PTPRK: variants seen among roughly 807,000 people sequenced by gnomAD.
PTPRK encodes receptor-type tyrosine-protein phosphatase kappa.
A neutral mutation model predicts 178.0 loss-of-function variants in PTPRK; 75 were observed. The ratio of observed to expected loss-of-function variants is 0.42; its 90% CI spans 0.35 to 0.51. The LOEUF is 0.51. PTPRK is among the 20% of genes least tolerant of loss of function. The pLI is 0.02. For synonymous variants in PTPRK, 637 were observed against 620.6 expected, an observed-to-expected ratio of 1.03 and a Z score of -0.39; for missense variants, 1,441 against 1,797.8, an observed-to-expected ratio of 0.80 and a Z score of 3.59.
chr6:128,402,399 C>T (rs1166859606), intron 1 of PTPRK, among the ~76,000 whole-genome samples: 1 of 151,968 alleles, frequency 6.6e-6, no homozygotes, highest in Non-Finnish European at 1.5e-5. Context: ...AGCTGGGACT[C>T]GTGCCACCAT....
At chr6:128,301,832 A>G (rs1040853575) in intron 3 of PTPRK, among the ~76,000 whole-genome samples, 4 of 152,276 alleles carry the variant, frequency 2.6e-5, no homozygotes, top group East Asian at 1.9e-4. Flanking sequence ...CTGGAAGGCT[A>G]TATTACTTTA....
intron 13 of PTPRK, among the ~76,000 whole-genome samples, chr6:128,025,369 A>AT (rs1774131203): frequency 6.6e-6 from 1 of 152,220 alleles, no homozygotes; most frequent in African/African-American, 2.4e-5. Flanking sequence ...CATCTTTTGC[A>AT]AAATTGTCCT....
intron 7 of PTPRK, among the ~76,000 whole-genome samples, chr6:128,151,620 T>C (rs1036673649): frequency 4.6e-5 from 7 of 152,028 alleles, no homozygotes; most frequent in African/African-American, 1.7e-4. Context: ...AGCATAAATA[T>C]AAGTAACATT....
chr6:128,187,056 C>A (rs1288708791), intron 6 of PTPRK, among the ~76,000 whole-genome samples: 1 of 151,948 alleles, frequency 6.6e-6, no homozygotes, highest in Admixed American at 6.6e-5. Flanking sequence ...TCACAATATG[C>A]CAAGTGAATT....
intron 1 of PTPRK, among the ~76,000 whole-genome samples, chr6:128,403,408 A>G (rs989733335): frequency 6.6e-6 from 1 of 152,188 alleles, no homozygotes; most frequent in South Asian, 2.1e-4. Context: ...TAGAAGAGAG[A>G]CAATATATCT....
At chr6:128,258,727 A>G (rs1188894232) in intron 3 of PTPRK, among the ~76,000 whole-genome samples, 1 of 152,198 alleles carries the variant, frequency 6.6e-6, no homozygotes, top group African/African-American at 2.4e-5. Context: ...AGACGGGGTA[A>G]TTAGGTCAGC....
chr6:128,458,552 C>A (rs1021858871), intron 1 of PTPRK, among the ~76,000 whole-genome samples: 8 of 152,272 alleles, frequency 5.3e-5, no homozygotes, highest in South Asian at 4.1e-4. Context: ...CCATTTGAAG[C>A]AGATTTTAAG....
At chr6:128,362,420 A>G (rs1270703137) in intron 2 of PTPRK, among the ~76,000 whole-genome samples, 1 of 152,154 alleles carries the variant, frequency 6.6e-6, no homozygotes, top group African/African-American at 2.4e-5. Context: ...AGGGATATAT[A>G]TCCAAATTAC....
intron 7 of PTPRK, among the ~76,000 whole-genome samples, chr6:128,105,156 C>G (rs546435325): frequency 1.4e-5 from 2 of 145,726 alleles, no homozygotes; most frequent in Non-Finnish European, 3.0e-5. Flanking sequence ...TCTTTTGAGA[C>G]GGAGTCTTGC....
chr6:127,983,412 G>A, intron 22 of PTPRK, 35 bp from the exon 23 acceptor site: 3 of 1,605,530 alleles, frequency 1.9e-6, no homozygotes, highest in South Asian at 2.2e-5. Context: ...ATTGTAAGAA[G>A]CATGTTAGTC....
At chr6:128,466,941 A>T (rs1284429203) in intron 1 of PTPRK, among the ~76,000 whole-genome samples, 2 of 152,240 alleles carry the variant, frequency 1.3e-5, no homozygotes, top group African/African-American at 4.8e-5. Context: ...AGAAGCTTTT[A>T]CTATTATATT....
chr6:128,505,280 A>G (rs1856160803), intron 1 of PTPRK, among the ~76,000 whole-genome samples: 1 of 150,828 alleles, frequency 6.6e-6, no homozygotes, highest in South Asian at 2.1e-4. Flanking sequence ...CATCTCTACT[A>G]AAAATAGAAA....
rs375779200 is a variant in PTPRK, at chr6:128,425,713, TAC to T, written c.101-28027_101-28026del. Among the ~76,000 whole-genome samples the T allele has an allele frequency of 6.5e-4, 99 of 152,240 alleles. 3 individuals are homozygous for T. The South Asian group carries it at 0.019, about 30-fold the overall frequency. On this transcript the variant is annotated intron_variant, in intron 1 of 29. Transcript: ENST00000368226. ...GGTCTCTGATCCATCCCATCTCACA[TAC>T]AGTCTCCAGATCATGGCTCATCCAC... is the stretch of plus-strand genomic sequence containing the variant.
At chr6:127,998,980 A>T in intron 15 of PTPRK, 76 bp from the exon 16 acceptor site, 2 of 1,233,436 alleles carry the variant, frequency 1.6e-6, no homozygotes, top group Non-Finnish European at 2.2e-6. Context: ...TATGCAATGA[A>T]GATTTTAAGA....
intron 7 of PTPRK, among the ~76,000 whole-genome samples, chr6:128,106,165 G>C (rs1271213428): frequency 6.6e-6 from 1 of 152,106 alleles, no homozygotes; most frequent in East Asian, 1.9e-4. Flanking sequence ...TGCGATAATA[G>C]AAAGTACATA....
intron 2 of PTPRK, among the ~76,000 whole-genome samples, chr6:128,393,974 C>T (rs931023612): frequency 1.1e-4 from 17 of 152,160 alleles, no homozygotes; most frequent in African/African-American, 4.1e-4. Context: ...TCATCACCAG[C>T]ATCTGGAAGA....
At chr6:128,437,039 C>T (rs1445442528) in intron 1 of PTPRK, among the ~76,000 whole-genome samples, 1 of 152,108 alleles carries the variant, frequency 6.6e-6, no homozygotes, top group Non-Finnish European at 1.5e-5. Flanking sequence ...GCATCCTAAC[C>T]AGAGTCACTC....
intron 7 of PTPRK, among the ~76,000 whole-genome samples, chr6:128,171,912 G>T (rs1272428252): frequency 6.6e-6 from 1 of 151,722 alleles, no homozygotes; most frequent in Admixed American, 6.6e-5. Flanking sequence ...TTCCAAATTT[G>T]ACTCTCTTAG....
At chr6:128,216,555 A>G (rs1226569624) in intron 6 of PTPRK, among the ~76,000 whole-genome samples, 1 of 151,916 alleles carries the variant, frequency 6.6e-6, no homozygotes, top group Admixed American at 6.6e-5. Flanking sequence ...AAAAAAAAAA[A>G]AAAGGTCAAA....
Sources: gnomAD v4.1 joint callset for allele counts (sites outside exome capture counted in the v4.1 genomes callset) on GRCh38, gnomAD v4.1.1 for gene constraint, MANE v1.5 for transcripts, NCBI Gene and HGNC (gene_info 2026-07-23, HGNC 2026-07-21) for gene names.